CEP72: variants seen among roughly 807,000 people sequenced by gnomAD.
The protein encoded by CEP72 is centrosomal protein 72, also known as centrosomal protein of 72 kDa.
CEP72 carries 78 observed loss-of-function variants against 65.7 expected under a neutral mutation model. The observed-to-expected ratio is 1.19, with a 90% confidence interval of 0.99 to 1.43. The LOEUF is 1.43. CEP72 is among the 40% of genes most tolerant of loss of function. The pLI, the probability that CEP72 is intolerant of heterozygous loss-of-function variation, is 0.00. For missense variants in CEP72, 914 were observed against 832.9 expected, an observed-to-expected ratio of 1.10 and a Z score of -1.20; for synonymous variants, 358 against 351.7, an observed-to-expected ratio of 1.02 and a Z score of -0.20.
chr5:665,919 G>GGGCCCCCCCCCCCCC, intron 3 of CEP72: 1 of 344,042 alleles, frequency 2.9e-6, no homozygotes, highest in Non-Finnish European at 4.0e-6. Flanking sequence ...CACCTTCCAG[G>GGGCCCCCCCCCCCCC]CCCCGCCCCC....
chr5:672,003 TCACA>T (rs1001708736), downstream of CEP72, among the ~76,000 whole-genome samples: 1 of 152,170 alleles, frequency 6.6e-6, no homozygotes, highest in Non-Finnish European at 1.5e-5. Context: ...CAGGAGGACG[TCACA>T]CACAGTGCTC....
intron 9 of CEP72, chr5:642,835 C>A (rs1738149528): frequency 1.0e-6 from 1 of 985,360 alleles, no homozygotes. Flanking sequence ...ACATCTGTCA[C>A]TCCAGAAGCA....
chr5:644,037 CAG>C (rs1738246776), intron 9 of CEP72: 13 of 412,430 alleles, frequency 3.2e-5, no homozygotes, highest in Middle Eastern at 7.0e-4. Flanking sequence ...CAGGGAGACT[CAG>C]GAGTGGGGCT....
intron 11 of CEP72, among the ~76,000 whole-genome samples, chr5:651,916 G>A (rs894933228): frequency 1.3e-5 from 2 of 151,274 alleles, no homozygotes; most frequent in Admixed American, 6.6e-5. Flanking sequence ...ACCTGGGTTC[G>A]ACCACAGTCT....
intron 1 of CEP72, among the ~76,000 whole-genome samples, chr5:617,909 T>C (rs191051944): frequency 2.6e-5 from 4 of 152,242 alleles, no homozygotes; most frequent in Non-Finnish European, 5.9e-5. Flanking sequence ...AACATAAATG[T>C]TCCCAGGAAA....
At position 629,254 on chromosome 5, in the gene CEP72, A is replaced by G. The variant is rs1376392213; in HGVS notation, c.513-4515A>G. 5.3e-5 allele frequency among the ~76,000 whole-genome samples: 8 copies of G among 152,278 alleles called. No homozygotes were observed. In the East Asian group the frequency reaches 1.3e-3, roughly 26 times the overall value. On this transcript the variant is annotated intron_variant, in intron 4 of 11. Coordinates refer to ENST00000264935, the MANE Select transcript of CEP72 (RefSeq NM_018140.4). ...CTCTGATTTCAGCCATTATGAAAAC[A>G]TTCTCCCTGAATGTGAAAGTGAACA...
rs894469269 is a variant in CEP72 at position 644,508 on chromosome 5, T to C, written c.1666+83T>C. 12 of 1,462,686 alleles carry C rather than the reference T, an allele frequency of 8.2e-6. No individual in the cohort carries two copies. The African/African-American group carries it at 8.4e-5, about 10-fold the overall frequency. The allele number at this position is 1,462,686 out of a possible 1,614,324, so 90.6% of individuals were successfully genotyped here. ...GTAGACTTTGTTTTAAATTCTTCAC[T>C]GAGGGAAGTGAGCAGCAGCAGACGC... On this transcript the variant is annotated intron_variant, in intron 10 of 11. Transcript: ENST00000264935.
Position 637,828 on chromosome 5 carries a change from G to A in CEP72, c.1206+10G>A, listed in dbSNP as rs1288423674. ...GACCGACACCAGAGAGGTGAGAGAA[G>A]GGCTGGGGAGCAGCAGGCCCACGGC... On this transcript the variant is annotated intron_variant, in intron 7 of 11. Coordinates refer to ENST00000264935, the MANE Select transcript of CEP72 (RefSeq NM_018140.4). 2.6e-6 allele frequency: 4 copies of A among 1,526,130 alleles called. No homozygotes were observed. In the Admixed American group the frequency reaches 6.3e-5, roughly 24 times the overall value. The allele number at this position is 1,526,130 out of a possible 1,614,324, so 94.5% of individuals were successfully genotyped here.
intron 4 of CEP72, 27 bp from the exon 5 acceptor site, chr5:633,742 T>C (rs371721306): frequency 6.2e-7 from 1 of 1,611,136 alleles, no homozygotes; most frequent in South Asian, 1.1e-5. Flanking sequence ...GCTTGAGTGA[T>C]GCTGATGAGT....
At chr5:665,928 C>CT in intron 3 of CEP72, 1 of 780,354 alleles carries the variant, frequency 1.3e-6, no homozygotes, top group Non-Finnish European at 1.7e-6. Flanking sequence ...GGCCCCGCCC[C>CT]CACCCCCTCC....
At chr5:674,753 G>A in the CEP72 span, among the ~76,000 whole-genome samples, 1 of 151,794 alleles carries the variant, frequency 6.6e-6, no homozygotes, top group South Asian at 2.1e-4. Context: ...AGGCTGGTCT[G>A]TCCTCCAGGC....
intron 4 of CEP72, 109 bp from the exon 5 acceptor site, chr5:633,660 C>T: frequency 1.9e-6 from 2 of 1,055,480 alleles, no homozygotes; most frequent in South Asian, 3.0e-5. Flanking sequence ...ACGTTTGCAG[C>T]ACGCTGCTTC....
chr5:637,748 G>A lies in CEP72; in HGVS notation c.1136G>A (p.Arg379Lys). 1 of 1,612,354 alleles carries A rather than the reference G, an allele frequency of 6.2e-7. No individual in the cohort carries two copies. The highest frequency in any genetic ancestry group is 8.5e-7 in the Non-Finnish European group (1 of 1,179,398). The change falls in exon 7 of 12, where the codon AGG becomes AAG. Residue 379 changes from arginine (R) to lysine (K), a missense_variant. By Grantham distance (26) the Arg-to-Lys change is conservative. Coordinates refer to ENST00000264935, the MANE Select transcript of CEP72 (RefSeq NM_018140.4). ...RQDSSESRNG[R>K]TLSQPEASET... Reference sequence around the variant, plus strand: ...GACAGCTCAGAAAGCAGGAACGGGAGGACCTTGTCTCAGCCTGAGGCCTCG... The same window carrying A: ...GACAGCTCAGAAAGCAGGAACGGGAAGACCTTGTCTCAGCCTGAGGCCTCG...
exon 2 of CEP72, chr5:663,484 C>G (rs1004925247): frequency 6.6e-6 from 1 of 152,612 alleles, no homozygotes; most frequent in African/African-American, 2.4e-5. Context: ...GTGGAGGCTT[C>G]TCTGTTGAGG....
Position 637,558 on chromosome 5 carries a change from G to T in CEP72, c.946G>T (p.Asp316Tyr). 6.2e-7 allele frequency: 1 copy of T among 1,614,048 alleles called. No homozygotes were observed. Among genetic ancestry groups the T allele is most frequent in the Non-Finnish European group, 8.5e-7 (1 of 1,180,002 alleles). Residue 316 changes from aspartate to tyrosine, a missense_variant, in exon 7 of 12, where the codon GAT (aspartate) becomes TAT (tyrosine). By Grantham distance (160) the Asp-to-Tyr change is radical. Coordinates refer to ENST00000264935, the MANE Select transcript of CEP72 (RefSeq NM_018140.4). ...GGACTCGGCCTCTTCTCAGAAGTTG[G>T]ATTTGTCAGGAGAAATGGTGCCTGG... ...TEDSASSQKL[D>Y]LSGEMVPGPL...
chr5:624,473 G>C lies in CEP72; in HGVS notation c.406G>C (p.Asp136His), dbSNP rs199576925. 7.4e-6 allele frequency: 12 copies of C among 1,613,390 alleles called. No individual in the cohort carries two copies. Among genetic ancestry groups the C allele is most frequent in the African/African-American group, 1.3e-5 (1 of 74,922 alleles). Residue 136 changes from aspartate (D) to histidine (H), a missense_variant and splice_region_variant, in exon 4 of 12, where the codon GAT (aspartate) becomes CAT (histidine). Physicochemically the swap from Asp to His is moderately conservative, Grantham distance 81. Transcript: ENST00000264935. This position sits in a 1 kb window ranked among gnomAD's most constrained non-coding sequence, Gnocchi z 4.7. Reference protein sequence around the residue: ...HLLPKLQQLDDRPVRASERKA... With the variant: ...HLLPKLQQLDHRPVRASERKA... ...TCTTGTGTGGCCTTTTCTTCTAGAC[G>C]ATCGCCCCGTGAGAGCAAGCGAGCG...
rs761052615 is a variant in CEP72 at position 633,786 on chromosome 5, C to T, written c.530C>T (p.Ala177Val). The change falls in exon 5 of 12, where the codon GCC becomes GTC. Residue 177 changes from alanine to valine, a missense_variant. By Grantham distance (64) the Ala-to-Val change is moderately conservative. Coordinates refer to ENST00000264935, the MANE Select transcript of CEP72 (RefSeq NM_018140.4). ...CCTTACAGACCACACCACCCCAGAG[C>T]CAAGTGCACCGAGGCCTTGGCCAAG... ...LKEGRPHHPR[A>V]KCTEALAKQS... 120 of 1,613,964 alleles carry T rather than the reference C, an allele frequency of 7.4e-5. No homozygotes were observed. Among genetic ancestry groups the T allele is most frequent in the Non-Finnish European group, 9.4e-5 (111 of 1,180,042 alleles).
intron 7 of CEP72, among the ~76,000 whole-genome samples, chr5:638,564 G>A (rs867666886): frequency 1.3e-4 from 19 of 147,664 alleles, no homozygotes; most frequent in African/African-American, 4.6e-4. Context: ...AGCATGGGGT[G>A]GGGGGGGGTC....
chr5:620,066 C>T lies in CEP72; in HGVS notation c.211-3C>T, dbSNP rs763917904. On this transcript the variant is annotated splice_region_variant and splice_polypyrimidine_tract_variant and intron_variant, in intron 2 of 11. Transcript: ENST00000264935. ...ATGAATTCACTGTGTTTTCTGTTGA[C>T]AGGGCATTCAGTACCTGACTGCATT... The T allele has an allele frequency of 6.3e-7, 1 of 1,594,952 alleles. No individual in the cohort carries two copies. The highest frequency in any genetic ancestry group is 1.1e-5 in the South Asian group (1 of 90,702).
Sources: gnomAD v4.1 joint callset for allele counts (sites outside exome capture counted in the v4.1 genomes callset) on GRCh38, gnomAD v4.1.1 for gene constraint, Gnocchi (gnomAD v3.1) non-coding constraint, MANE v1.5 for transcripts, NCBI Gene and HGNC (gene_info 2026-07-23, HGNC 2026-07-21) for gene names.